The following SPIDR variants were observed in gnomAD, a reference collection of about 807,000 sequenced individuals.
SPIDR encodes the protein scaffold protein involved in DNA repair, also known as DNA repair-scaffolding protein.
In SPIDR, 93 loss-of-function variants were observed where a neutral mutation model predicts 104.6. That is an observed-to-expected ratio of 0.89 (90% CI 0.75 to 1.06). The LOEUF (loss-of-function observed/expected upper bound fraction) is 1.06. Among genes scored for constraint, SPIDR ranks in the 50% least tolerant of loss-of-function variants. The pLI is 0.00. For missense variants in SPIDR, 1,154 were observed against 1,111.2 expected (o/e 1.04, Z -0.55); for synonymous variants, 431 against 416.9 (o/e 1.03, Z -0.41).
At chr8:47,274,998 G>A (rs1361101835) in intron 1 of SPIDR, among the ~76,000 whole-genome samples, 2 of 150,994 alleles carry the variant, frequency 1.3e-5, no homozygotes, top group Non-Finnish European at 3.0e-5. Flanking sequence ...GGTGGCTCAC[G>A]CCTGTAATCC....
chr8:47,562,877 G>A (rs533197482), intron 8 of SPIDR, among the ~76,000 whole-genome samples: 17 of 152,178 alleles, frequency 1.1e-4, no homozygotes, highest in South Asian at 2.1e-4. Context: ...CTGAATGCAC[G>A]TTCAGTCTAG....
chr8:47,517,455 A>G (rs1253740204), intron 8 of SPIDR, among the ~76,000 whole-genome samples: 1 of 152,148 alleles, frequency 6.6e-6, no homozygotes, highest in Non-Finnish European at 1.5e-5. Flanking sequence ...TGAGGTGCAT[A>G]TCCATGGCCA....
intron 5 of SPIDR, among the ~76,000 whole-genome samples, chr8:47,295,399 C>T (rs1786368332): frequency 6.6e-6 from 1 of 152,130 alleles, no homozygotes; most frequent in African/African-American, 2.4e-5. Flanking sequence ...ATTACTAAAG[C>T]ATATTACTTC....
intron 10 of SPIDR, among the ~76,000 whole-genome samples, chr8:47,665,772 A>G (rs923094451): frequency 1.3e-5 from 2 of 152,196 alleles, no homozygotes; most frequent in Non-Finnish European, 2.9e-5. Context: ...GTAAAATATC[A>G]TATTATCAAG....
chr8:47,504,148 G>A (rs10957644), intron 8 of SPIDR, among the ~76,000 whole-genome samples: 67,816 of 151,888 alleles, frequency 0.45, 18,602 homozygotes, highest in East Asian at 0.66. Flanking sequence ...TCTTTGTGGC[G>A]TTCTCTGTAT....
At chr8:47,352,289 A>AAAAAG (rs1554622942) in intron 5 of SPIDR, among the ~76,000 whole-genome samples, 2 of 151,808 alleles carry the variant, frequency 1.3e-5, no homozygotes, top group African/African-American at 4.8e-5. Context: ...AAAAAAAAAA[A>AAAAAG]AAAGAAAGAA....
chr8:47,358,057 A>G (rs1326245543), intron 5 of SPIDR, among the ~76,000 whole-genome samples: 1 of 152,048 alleles, frequency 6.6e-6, no homozygotes, highest in East Asian at 1.9e-4. Flanking sequence ...TCGGCAGACT[A>G]TTTTATTTTT....
At chr8:47,321,100 C>T (rs192311698) in intron 5 of SPIDR, among the ~76,000 whole-genome samples, 58 of 152,230 alleles carry the variant, frequency 3.8e-4, no homozygotes, top group African/African-American at 1.3e-3. Flanking sequence ...CCAGGGCAAT[C>T]AGGCAGGAGA....
At chr8:47,720,749 C>G (rs2083274835) in intron 16 of SPIDR, among the ~76,000 whole-genome samples, 1 of 151,722 alleles carries the variant, frequency 6.6e-6, no homozygotes, top group Non-Finnish European at 1.5e-5. Context: ...CATGGCTTGT[C>G]TTTTCATACT....
chr8:47,301,345 C>T (rs896357021), intron 5 of SPIDR, among the ~76,000 whole-genome samples: 38 of 152,192 alleles, frequency 2.5e-4, no homozygotes, highest in African/African-American at 8.7e-4. Flanking sequence ...TGTCTCTGCA[C>T]GTGAGATGGG....
chr8:47,706,675 T>C (rs1265149110), intron 14 of SPIDR, among the ~76,000 whole-genome samples: 3 of 152,226 alleles, frequency 2.0e-5, no homozygotes, highest in African/African-American at 7.2e-5. Context: ...ATTATAATTA[T>C]GTTGTCTTAT....
intron 10 of SPIDR, among the ~76,000 whole-genome samples, chr8:47,631,326 G>A (rs991873125): frequency 3.3e-5 from 5 of 152,128 alleles, no homozygotes; most frequent in African/African-American, 7.2e-5. Flanking sequence ...CTGTGCCCTC[G>A]GTTATAACAA....
chr8:47,735,863 T>C lies in SPIDR; in HGVS notation c.*413T>C, dbSNP rs930982731. The C allele has an allele frequency of 9.0e-6, 3 of 333,578 alleles. No individual in the cohort carries two copies. The highest frequency in any genetic ancestry group is 4.3e-5 in the African/African-American group (2 of 46,516). 20.7% of individuals were successfully genotyped at this position (333,578 alleles called of 1,614,324 possible). ...AGAATACCCTGCAAAGTGTAAACCT[T>C]TGTCCCATACTGTGATATTACTGTT... On this transcript the variant is annotated 3_prime_UTR_variant, in exon 20 of 20. Coordinates refer to ENST00000297423, the MANE Select transcript of SPIDR (RefSeq NM_001080394.4).
At chr8:47,480,963 C>G (rs193171230) in intron 8 of SPIDR, among the ~76,000 whole-genome samples, 26 of 152,260 alleles carry the variant, frequency 1.7e-4, no homozygotes, top group African/African-American at 6.0e-4. Flanking sequence ...GTTATGAAAG[C>G]AAAAAGAGAC....
intron 11 of SPIDR, among the ~76,000 whole-genome samples, chr8:47,688,757 T>C (rs2078207643): frequency 6.6e-6 from 1 of 152,264 alleles, no homozygotes. Flanking sequence ...TGCTAAACTG[T>C]CTTCCAGGAG....
At chr8:47,355,491 G>A (rs1447460224) in intron 5 of SPIDR, among the ~76,000 whole-genome samples, 1 of 152,106 alleles carries the variant, frequency 6.6e-6, no homozygotes, top group Middle Eastern at 3.4e-3. Context: ...TCAGATTTGC[G>A]GTAACGGAGC....
chr8:47,280,791 G>A (rs2037617037), intron 2 of SPIDR, among the ~76,000 whole-genome samples: 1 of 152,242 alleles, frequency 6.6e-6, no homozygotes, highest in African/African-American at 2.4e-5. Flanking sequence ...TCCCACCTCC[G>A]CCTCCCAGAG....
intron 5 of SPIDR, among the ~76,000 whole-genome samples, chr8:47,302,583 C>T (rs1554578250): frequency 6.6e-6 from 1 of 152,074 alleles, no homozygotes; most frequent in South Asian, 2.1e-4. Flanking sequence ...GTTTTATGTA[C>T]CTTTGGTCTT....
intron 7 of SPIDR, among the ~76,000 whole-genome samples, chr8:47,436,267 A>G (rs2068302473): frequency 6.6e-6 from 1 of 152,230 alleles, no homozygotes; most frequent in South Asian, 2.1e-4. Flanking sequence ...TCTGGCTGGG[A>G]TTCAGAAAAC....
Sources: allele counts gnomAD v4.1 joint callset (sites outside exome capture counted in the v4.1 genomes callset), GRCh38; gene constraint gnomAD v4.1.1; transcripts MANE v1.5; gene names NCBI Gene and HGNC (gene_info 2026-07-23, HGNC 2026-07-21).